TNKS: variants seen among roughly 807,000 people sequenced by gnomAD.
TNKS encodes the protein poly [ADP-ribose] polymerase tankyrase-1.
TNKS carries 72 observed loss-of-function variants against 135.8 expected under a neutral mutation model. The ratio of observed to expected loss-of-function variants is 0.53; its 90% CI spans 0.44 to 0.64. TNKS has a LOEUF of 0.64. Among genes scored for constraint, TNKS ranks in the 30% least tolerant of loss-of-function variants. The pLI is 0.00. For synonymous variants in TNKS, 849 were observed against 649.3 expected (o/e 1.31, Z -4.68); for missense variants, 1,769 against 1,674.0 (o/e 1.06, Z -0.99).
intron 2 of TNKS, among the ~76,000 whole-genome samples, chr8:9,608,433 A>AT (rs548082654): frequency 0.013 from 1,858 of 147,706 alleles, 21 homozygotes; most frequent in East Asian, 0.03. Flanking sequence ...TAACAAGGCG[A>AT]TTTTTTTTTT....
chr8:9,710,552 A>G (rs1804275957), intron 11 of TNKS: 3 of 470,576 alleles, frequency 6.4e-6, no homozygotes, highest in South Asian at 4.7e-5. Context: ...ACAGTTTATC[A>G]GAAAATAAAT....
Position 9,720,445 on chromosome 8 carries a change from C to A in TNKS, c.1821C>A (p.Cys607Ter). Reference sequence around the variant, plus strand: ...CCCTAGCAGGTCACCTGCAGACCTGCCGCCTCCTGCTGAGTTACGGCTCTG... The same window carrying A: ...CCCTAGCAGGTCACCTGCAGACCTGACGCCTCCTGCTGAGTTACGGCTCTG... The part of the protein sequence containing the change: ...RAALAGHLQT[C>*]RLLLSYGSDP... The change falls in exon 12 of 27, where the codon TGC (cysteine) becomes TGA (stop). Residue 607 changes from cysteine to a stop codon, truncating the protein, a stop_gained. Coordinates refer to ENST00000310430, the MANE Select transcript of TNKS (RefSeq NM_003747.3). LOFTEE classifies it high-confidence loss of function. The A allele has an allele frequency of 6.2e-7, 1 of 1,614,104 alleles. No individual in the cohort carries two copies. The highest frequency in any genetic ancestry group is 8.5e-7 in the Non-Finnish European group (1 of 1,180,016).
chr8:9,621,636 C>G (rs927204047), intron 3 of TNKS, among the ~76,000 whole-genome samples: 1 of 152,000 alleles, frequency 6.6e-6, no homozygotes, highest in African/African-American at 2.4e-5. Flanking sequence ...TGCTGTTTTG[C>G]ACGTTAGCTA....
At chr8:9,757,708 G>A (rs1245173183) in intron 20 of TNKS, among the ~76,000 whole-genome samples, 1 of 152,174 alleles carries the variant, frequency 6.6e-6, no homozygotes, top group Non-Finnish European at 1.5e-5. Context: ...ACTTTGGTTA[G>A]CACTCTGTTT....
intron 3 of TNKS, among the ~76,000 whole-genome samples, chr8:9,638,224 C>T (rs553866006): frequency 3.3e-4 from 51 of 152,334 alleles, no homozygotes; most frequent in African/African-American, 1.2e-3. Context: ...ATCCTATCAC[C>T]GCAGCCTCCT....
intron 3 of TNKS, among the ~76,000 whole-genome samples, chr8:9,651,287 T>C (rs1476182350): frequency 6.6e-6 from 1 of 152,148 alleles, no homozygotes; most frequent in South Asian, 2.1e-4. Context: ...GCAGCTAAAG[T>C]TTATGTTTAT....
At chr8:9,593,936 G>C (rs1463091527) in intron 2 of TNKS, among the ~76,000 whole-genome samples, 1 of 151,576 alleles carries the variant, frequency 6.6e-6, no homozygotes, top group Non-Finnish European at 1.5e-5. Flanking sequence ...ACCCAGGCTG[G>C]AGTGCAATGG....
At chr8:9,629,342 G>A (rs1168904101) in intron 3 of TNKS, among the ~76,000 whole-genome samples, 2 of 152,224 alleles carry the variant, frequency 1.3e-5, no homozygotes, top group Non-Finnish European at 2.9e-5. Context: ...TCTGACTGCT[G>A]TACGTCAGGC....
intron 3 of TNKS, among the ~76,000 whole-genome samples, chr8:9,676,562 A>C (rs931492533): frequency 4.6e-5 from 7 of 152,150 alleles, no homozygotes; most frequent in African/African-American, 1.7e-4. Flanking sequence ...TTGCCTTTAC[A>C]CTAAGTGAAA....
chr8:9,771,110 GAGAA>G (rs1457868395), intron 26 of TNKS, among the ~76,000 whole-genome samples: 1 of 151,296 alleles, frequency 6.6e-6, no homozygotes, highest in Non-Finnish European at 1.5e-5. Context: ...GTGTATATGA[GAGAA>G]AGAGAAACCA....
At chr8:9,694,549 G>T (rs187024958) in intron 5 of TNKS, among the ~76,000 whole-genome samples, 124 of 152,182 alleles carry the variant, frequency 8.1e-4, no homozygotes, top group African/African-American at 2.8e-3. Context: ...ATCACTTGAG[G>T]TCAGGAGTTC....
chr8:9,630,555 C>CA (rs575732373), intron 3 of TNKS, among the ~76,000 whole-genome samples: 1 of 152,074 alleles, frequency 6.6e-6, no homozygotes, highest in Admixed American at 6.6e-5. Flanking sequence ...TAGATAGTTA[C>CA]AAAAAACCCC....
At chr8:9,569,949 A>T (rs545126399) in intron 1 of TNKS, among the ~76,000 whole-genome samples, 2 of 151,452 alleles carry the variant, frequency 1.3e-5, no homozygotes, top group Non-Finnish European at 1.5e-5. Context: ...ATTGCCTTAA[A>T]TTTTTTTTGT....
chr8:9,627,097 C>G (rs891201914), intron 3 of TNKS, among the ~76,000 whole-genome samples: 2 of 152,030 alleles, frequency 1.3e-5, no homozygotes, highest in African/African-American at 4.8e-5. Flanking sequence ...ATCAGTTGTG[C>G]CTATGTAATG....
chr8:9,738,969 C>G (rs1456026931), intron 17 of TNKS, among the ~76,000 whole-genome samples: 1 of 151,878 alleles, frequency 6.6e-6, no homozygotes, highest in Non-Finnish European at 1.5e-5. Flanking sequence ...GACTTTCTGT[C>G]TCGTTGATCT....
At chr8:9,626,874 C>A (rs1227332783) in intron 3 of TNKS, among the ~76,000 whole-genome samples, 1 of 152,174 alleles carries the variant, frequency 6.6e-6, no homozygotes, top group Non-Finnish European at 1.5e-5. Flanking sequence ...AGTTTCCTGG[C>A]ATACAATTCC....
intron 3 of TNKS, among the ~76,000 whole-genome samples, chr8:9,618,839 C>A (rs983997426): frequency 6.6e-6 from 1 of 152,120 alleles, no homozygotes; most frequent in Non-Finnish European, 1.5e-5. Context: ...CTGTGAGCAT[C>A]CCACTGTCTT....
intron 3 of TNKS, among the ~76,000 whole-genome samples, chr8:9,646,272 G>A (rs771862844): frequency 2.7e-5 from 4 of 150,796 alleles, no homozygotes; most frequent in African/African-American, 4.9e-5. Context: ...TATTTTTTTC[G>A]CTTAGTTCTT....
chr8:9,556,464 G>A lies in TNKS; in HGVS notation c.525G>A (p.Gly175=). ...CTGGGGCAGCAGGACCTGGGACAGG[G>A]GTCCCAGCAGTGAGCGGGGCCCTAC... ...LGPGAAGPGT[G]VPAVSGALRE... The change falls in exon 1 of 27, where the codon GGG becomes GGA. Residue 175 remains glycine (G), a synonymous_variant. Coordinates refer to ENST00000310430, the MANE Select transcript of TNKS (RefSeq NM_003747.3). 3.7e-6 allele frequency: 6 copies of A among 1,614,162 alleles called. No homozygotes were observed. The highest frequency in any genetic ancestry group is 5.1e-6 in the Non-Finnish European group (6 of 1,180,044).
Sources: allele counts gnomAD v4.1 joint callset (sites outside exome capture counted in the v4.1 genomes callset), GRCh38; gene constraint gnomAD v4.1.1; transcripts MANE v1.5; gene names NCBI Gene and HGNC (gene_info 2026-07-23, HGNC 2026-07-21).